MRPS18A: variants seen among roughly 807,000 people sequenced by gnomAD.
MRPS18A encodes the protein large ribosomal subunit protein mL66.
MRPS18A carries 20 observed loss-of-function variants against 22.7 expected under a neutral mutation model. The observed-to-expected ratio is 0.88, with a 90% CI of 0.62 to 1.28. The LOEUF (loss-of-function observed/expected upper bound fraction) is 1.28, where lower values mean the gene tolerates loss of function less well. Among genes scored for constraint, MRPS18A ranks in the 50% most tolerant of loss-of-function variants. The pLI is 0.00. For synonymous variants in MRPS18A, 106 were observed against 99.1 expected (o/e 1.07, Z -0.41); for missense variants, 294 against 262.6 (o/e 1.12, Z -0.83).
intron 1 of MRPS18A, among the ~76,000 whole-genome samples, chr6:43,683,179 C>T (rs1021859916): frequency 2.6e-5 from 4 of 152,210 alleles, no homozygotes; most frequent in African/African-American, 9.7e-5. Flanking sequence ...TGGCAAGCTC[C>T]ACTGTTCACA....
intron 1 of MRPS18A, among the ~76,000 whole-genome samples, chr6:43,682,120 T>C (rs745437318): frequency 1.3e-5 from 2 of 152,068 alleles, no homozygotes; most frequent in Admixed American, 6.6e-5. Flanking sequence ...GCCTGCGCAA[T>C]GTGGCAAAAT....
At chr6:43,681,488 A>G (rs1427243342) in intron 1 of MRPS18A, among the ~76,000 whole-genome samples, 1 of 152,278 alleles carries the variant, frequency 6.6e-6, no homozygotes, top group Non-Finnish European at 1.5e-5. Context: ...GGTATCTAAA[A>G]GACCTTCAAA....
chr6:43,671,736 AG>A lies in MRPS18A; in HGVS notation c.*25del. ...TCCTACTCCCCAGCACAGGTGCAGGAGGAACTCTGGAAGCACTGCTCTCTGT... is the reference window on the plus strand; with the variant it reads ...TCCTACTCCCCAGCACAGGTGCAGGAGAACTCTGGAAGCACTGCTCTCTGT... On this transcript the variant is annotated 3_prime_UTR_variant, in exon 6 of 6. Coordinates refer to ENST00000372133, the MANE Select transcript of MRPS18A (RefSeq NM_018135.4). 1 of 1,613,960 alleles carries A rather than the reference AG, an allele frequency of 6.2e-7. No homozygotes were observed. The highest frequency in any genetic ancestry group is 8.5e-7 in the Non-Finnish European group (1 of 1,179,898).
At chr6:43,684,130 AACAC>A (rs575899276) in intron 1 of MRPS18A, among the ~76,000 whole-genome samples, 46 of 152,040 alleles carry the variant, frequency 3.0e-4, no homozygotes, top group Non-Finnish European at 6.2e-4. Context: ...AACAACAACA[AACAC>A]AGAAAATGCA....
rs374851569 is a variant in MRPS18A, at chr6:43,678,494, G to A, written c.252+24C>T. ...TGAGAACTTCATGACACACAGAACC[G>A]AGTGTCTCTGTACCCAGACTCACGT... On this transcript the variant is annotated intron_variant, in intron 3 of 5. Coordinates refer to ENST00000372133, the MANE Select transcript of MRPS18A (RefSeq NM_018135.4). The A allele has an allele frequency of 1.8e-5, 27 of 1,525,432 alleles. No individual in the cohort carries two copies. In the Middle Eastern group the frequency reaches 8.5e-4, roughly 48 times the overall value. The allele number at this position is 1,525,432 out of a possible 1,614,324, so 94.5% of individuals were successfully genotyped here.
chr6:43,680,533 G>A (rs1166425546), intron 2 of MRPS18A, among the ~76,000 whole-genome samples: 1 of 152,234 alleles, frequency 6.6e-6, no homozygotes, highest in African/African-American at 2.4e-5. Flanking sequence ...ACTCCCCAAG[G>A]AAGGGAGGTG....
chr6:43,678,563 C>G lies in MRPS18A; in HGVS notation c.207G>C (p.Gln69His). Residue 69 changes from glutamine to histidine, a missense_variant, in exon 3 of 6, where the codon CAG (glutamine) becomes CAC (histidine). Physicochemically the swap from Gln to His is conservative, Grantham distance 24. Coordinates refer to ENST00000372133, the MANE Select transcript of MRPS18A (RefSeq NM_018135.4). ...TCAGGTTCCAACGGCAGATGGGGCA[C>G]TGGCCAGAGGGGTTAGGAGGATTTG... ...ESPNPPNPSGQCPICRWNLKH... is the reference protein window; with the variant it reads ...ESPNPPNPSGHCPICRWNLKH... 1 of 1,614,014 alleles carries G rather than the reference C, an allele frequency of 6.2e-7. No individual in the cohort carries two copies. The highest frequency in any genetic ancestry group is 8.5e-7 in the Non-Finnish European group (1 of 1,179,900).
At chr6:43,687,423 C>G (rs1257197763) in intron 1 of MRPS18A, among the ~76,000 whole-genome samples, 1 of 152,212 alleles carries the variant, frequency 6.6e-6, no homozygotes, top group Non-Finnish European at 1.5e-5. Flanking sequence ...TTAGTGTCTG[C>G]TCCTGCTAAG....
Position 43,671,423 on chromosome 6 carries a change from C to A in MRPS18A, c.*339G>T. 2.4e-6 allele frequency: 1 copy of A among 419,750 alleles called. No individual in the cohort carries two copies. Among genetic ancestry groups the A allele is most frequent in the South Asian group, 2.6e-5 (1 of 37,880 alleles). 26.0% of individuals were successfully genotyped at this position (419,750 alleles called of 1,614,324 possible). A position where few individuals can be genotyped will look rare whatever the true frequency, so the allele number is the denominator to read the frequency against. ...GGCAATGTGCCCAGGACCCCCTGCA[C>A]TTCCCAAGCAGTGAGCGCACACCCA... On this transcript the variant is annotated 3_prime_UTR_variant, in exon 6 of 6. Transcript: ENST00000372133.
Position 43,684,565 on chromosome 6 carries a change from A to G in MRPS18A, c.112+3103T>C, listed in dbSNP as rs150599755. Among the ~76,000 whole-genome samples the G allele has an allele frequency of 1.6e-4, 24 of 152,180 alleles. 1 individual carries two copies. Among genetic ancestry groups the G allele is most frequent in the South Asian group, 6.2e-4 (3 of 4,816 alleles). On this transcript the variant is annotated intron_variant, in intron 1 of 5. Transcript: ENST00000372133. ...CCCTGAGGGAATGTCCCTCTGCCCTATGCTTCAGAATGAGTCGTCTTACTG... is the reference window on the plus strand; with the variant it reads ...CCCTGAGGGAATGTCCCTCTGCCCTGTGCTTCAGAATGAGTCGTCTTACTG...
intron 5 of MRPS18A, chr6:43,672,607 C>T (rs1032077799): frequency 3.1e-6 from 1 of 317,940 alleles, no homozygotes; most frequent in African/African-American, 2.2e-5. Flanking sequence ...TCCAGAAAGG[C>T]CCATCCTTCA....
In MRPS18A at chr6:43,675,165, C is replaced by T. The variant is rs753835432; in HGVS notation, c.446+37G>A. On this transcript the variant is annotated intron_variant, in intron 5 of 5. Coordinates refer to ENST00000372133, the MANE Select transcript of MRPS18A (RefSeq NM_018135.4). ...AGGTGCACCCTAGTTTTCCTGAGCG[C>T]AGAACGCTCAGGTTGTTCACACCCA... 6.1e-6 allele frequency: 9 copies of T among 1,482,944 alleles called. No individual in the cohort carries two copies. In the African/African-American group the frequency reaches 1.3e-4, roughly 21 times the overall value. The allele number at this position is 1,482,944 out of a possible 1,614,324, so 91.9% of individuals were successfully genotyped here.
At chr6:43,672,104 G>T in intron 5 of MRPS18A, 198 bp from the exon 6 acceptor site, 1 of 661,094 alleles carries the variant, frequency 1.5e-6, no homozygotes, top group Non-Finnish European at 2.5e-6. Context: ...GGCTCTTGCT[G>T]CCGCAAGCCT....
rs1373466026 is a variant in MRPS18A at position 43,687,729 on chromosome 6, C to T, written c.51G>A (p.Gly17=). Reference sequence around the variant, plus strand: ...TGGTCGCTGCCGGGCCCGCTAGTAGCCCACGGAGAAGCCGCCCACAGCCGG... The same window carrying T: ...TGGTCGCTGCCGGGCCCGCTAGTAGTCCACGGAGAAGCCGCCCACAGCCGG... The part of the protein sequence containing the change: ...LVSGCGRLLR[G]LLAGPAATSW... The change falls in exon 1 of 6, where the codon GGG becomes GGA. Residue 17 remains glycine, a synonymous_variant. Transcript: ENST00000372133. The T allele has an allele frequency of 3.1e-6, 5 of 1,588,576 alleles. No homozygotes were observed. The East Asian group carries it at 9.1e-5, about 29-fold the overall frequency.
intron 3 of MRPS18A, among the ~76,000 whole-genome samples, chr6:43,676,231 G>A (rs1016327962): frequency 1.3e-5 from 2 of 152,150 alleles, no homozygotes; most frequent in African/African-American, 4.8e-5. Context: ...TGTACCTGAA[G>A]CATCTTTCTT....
chr6:43,675,183 C>T lies in MRPS18A; in HGVS notation c.446+19G>A. On this transcript the variant is annotated intron_variant, in intron 5 of 5. Coordinates refer to ENST00000372133, the MANE Select transcript of MRPS18A (RefSeq NM_018135.4). Reference sequence around the variant, plus strand: ...CTGAGCGCAGAACGCTCAGGTTGTTCACACCCAGGCTTGCTTACCGGTTGA... The same window carrying T: ...CTGAGCGCAGAACGCTCAGGTTGTTTACACCCAGGCTTGCTTACCGGTTGA... The T allele has an allele frequency of 6.6e-7, 1 of 1,508,448 alleles. No individual in the cohort carries two copies. The highest frequency in any genetic ancestry group is 8.9e-7 in the Non-Finnish European group (1 of 1,129,220). 93.4% of individuals were successfully genotyped at this position (1,508,448 alleles called of 1,614,324 possible).
At chr6:43,678,493 C>T (rs796522193) in intron 3 of MRPS18A, 25 bp downstream of exon 3, 9 of 1,534,122 alleles carry the variant, frequency 5.9e-6, no homozygotes, top group African/African-American at 4.1e-5. Flanking sequence ...CACACAGAAC[C>T]GAGTGTCTCT....
At chr6:43,684,491 A>G (rs1447695336) in intron 1 of MRPS18A, among the ~76,000 whole-genome samples, 1 of 152,144 alleles carries the variant, frequency 6.6e-6, no homozygotes, top group African/African-American at 2.4e-5. Context: ...TAACTCTACC[A>G]TTAAAGTTTC....
In MRPS18A at chr6:43,673,730, CCCCAGCGGAGCCTGGG is replaced by C. The variant is rs1168462416; in HGVS notation, c.446+1456_446+1471del. ...GCAGACAAAGCATGGCTCCGCCAGG[CCCCAGCGGAGCCTGGG>C]CCCATGCATGGCAGCATTAAACGAG... On this transcript the variant is annotated intron_variant, in intron 5 of 5. Coordinates refer to ENST00000372133, the MANE Select transcript of MRPS18A (RefSeq NM_018135.4). This position sits in a 1 kb window ranked among gnomAD's most constrained non-coding sequence, Gnocchi z 4.2. Among the ~76,000 whole-genome samples the C allele has an allele frequency of 6.6e-6, 1 of 152,230 alleles. No individual in the cohort carries two copies. Among genetic ancestry groups the C allele is most frequent in the African/African-American group, 2.4e-5 (1 of 41,462 alleles).
Sources: gnomAD v4.1 joint callset for allele counts (sites outside exome capture counted in the v4.1 genomes callset) on GRCh38, gnomAD v4.1.1 for gene constraint, Gnocchi (gnomAD v3.1) non-coding constraint, MANE v1.5 for transcripts, NCBI Gene and HGNC (gene_info 2026-07-23, HGNC 2026-07-21) for gene names.